EYS: variants seen among roughly 807,000 people sequenced by gnomAD.
The protein encoded by EYS is protein eyes shut homolog.
Under a neutral mutation model 282.1 loss-of-function variants are expected in EYS, and 250 were observed. That is an observed-to-expected ratio of 0.89 (90% confidence interval 0.80 to 0.98). The LOEUF (loss-of-function observed/expected upper bound fraction) is 0.98, where lower values mean the gene tolerates loss of function less well. Ranked by LOEUF, EYS falls within the 50% of genes least tolerant of loss-of-function variation. The probability of loss-of-function intolerance (pLI) is 0.00; values close to 1 mark genes in which losing one functional copy is unlikely to be tolerated. For synonymous variants in EYS, 1,355 were observed against 1,282.9 expected (o/e 1.06, Z -1.20); for missense variants, 4,016 against 3,709.0 (o/e 1.08, Z -2.15).
At chr6:65,331,317 C>T (rs565896075) in intron 11 of EYS, 1 of 690,622 alleles carries the variant, frequency 1.4e-6, no homozygotes, top group South Asian at 6.5e-5. Flanking sequence ...ATAATTTTCT[C>T]TTTTTCATTG....
chr6:65,638,444 A>G (rs1163027275), intron 2 of EYS, among the ~76,000 whole-genome samples: 2 of 152,196 alleles, frequency 1.3e-5, no homozygotes, highest in Non-Finnish European at 2.9e-5. Context: ...AGGAGAGAAG[A>G]GCTGAAGAGG....
At chr6:64,030,334 A>T (rs1397568570) in intron 33 of EYS, among the ~76,000 whole-genome samples, 2 of 152,164 alleles carry the variant, frequency 1.3e-5, no homozygotes, top group Non-Finnish European at 2.9e-5. Context: ...ATTTCTGTCT[A>T]CCCAGCCAAG....
intron 26 of EYS, among the ~76,000 whole-genome samples, chr6:64,486,004 T>C (rs1364127164): frequency 6.6e-6 from 1 of 151,506 alleles, no homozygotes; most frequent in Non-Finnish European, 1.5e-5. Context: ...ATGCTGGTTT[T>C]AAAGAAGTAA....
chr6:65,677,863 G>A (rs946365288), intron 1 of EYS, among the ~76,000 whole-genome samples: 3 of 152,014 alleles, frequency 2.0e-5, no homozygotes, highest in Admixed American at 1.3e-4. Context: ...AATGAAACAA[G>A]TTTGAGGGTG....
At chr6:65,109,666 A>AAC (rs1775153157) in intron 12 of EYS, among the ~76,000 whole-genome samples, 1 of 151,940 alleles carries the variant, frequency 6.6e-6, no homozygotes, top group Non-Finnish European at 1.5e-5. Context: ...ATAAAAAAAA[A>AAC]AAAAACACCT....
chr6:63,935,147 T>C (rs922065139), intron 35 of EYS, among the ~76,000 whole-genome samples: 25 of 152,242 alleles, frequency 1.6e-4, no homozygotes, highest in Non-Finnish European at 2.2e-4. Context: ...TGAGTAGTTT[T>C]TCTGGCTTTC....
chr6:65,160,360 G>A (rs1027082508), intron 12 of EYS, among the ~76,000 whole-genome samples: 1 of 150,836 alleles, frequency 6.6e-6, no homozygotes, highest in African/African-American at 2.4e-5. Flanking sequence ...TTTGCATATT[G>A]TTTTTAATTC....
At chr6:63,849,778 G>A (rs1772194372) in intron 36 of EYS, among the ~76,000 whole-genome samples, 1 of 152,150 alleles carries the variant, frequency 6.6e-6, no homozygotes, top group South Asian at 2.1e-4. Context: ...TCCTCCAAAG[G>A]ATCAAGACAC....
chr6:64,008,638 G>A (rs1768461753), intron 33 of EYS, among the ~76,000 whole-genome samples: 1 of 152,092 alleles, frequency 6.6e-6, no homozygotes, highest in Non-Finnish European at 1.5e-5. Flanking sequence ...CTTCCTTAAG[G>A]ATTTCTTGCA....
chr6:64,958,542 T>C (rs1769796686), intron 14 of EYS, among the ~76,000 whole-genome samples: 1 of 151,586 alleles, frequency 6.6e-6, no homozygotes, highest in African/African-American at 2.4e-5. Flanking sequence ...GGTCAGGAGA[T>C]CGAGACCACG....
At chr6:64,863,011 G>T (rs1766299167) in intron 19 of EYS, among the ~76,000 whole-genome samples, 1 of 151,976 alleles carries the variant, frequency 6.6e-6, no homozygotes, top group Non-Finnish European at 1.5e-5. Flanking sequence ...AAAAGGATTG[G>T]CCAATAGTTT....
intron 12 of EYS, among the ~76,000 whole-genome samples, chr6:65,278,523 G>T (rs1217552479): frequency 1.3e-5 from 2 of 150,634 alleles, no homozygotes; most frequent in African/African-American, 4.9e-5. Flanking sequence ...AATCTTTTTG[G>T]ATATTGACTC....
At chr6:65,483,906 C>G (rs1339139691) in intron 5 of EYS, among the ~76,000 whole-genome samples, 1 of 152,046 alleles carries the variant, frequency 6.6e-6, no homozygotes, top group African/African-American at 2.4e-5. Flanking sequence ...AAACCATCGG[C>G]TCTCGTGAGA....
intron 2 of EYS, among the ~76,000 whole-genome samples, chr6:65,596,610 C>T (rs1048226529): frequency 6.6e-6 from 1 of 151,932 alleles, no homozygotes; most frequent in Non-Finnish European, 1.5e-5. Context: ...ACCAATTCTC[C>T]ACAGCATATT....
intron 22 of EYS, among the ~76,000 whole-genome samples, chr6:64,640,834 C>G (rs1768125014): frequency 1.3e-5 from 2 of 152,094 alleles, no homozygotes; most frequent in South Asian, 2.1e-4. Context: ...TTCTTTGTAA[C>G]CACTAAACAC....
intron 19 of EYS, among the ~76,000 whole-genome samples, chr6:64,854,946 C>A (rs1430234577): frequency 6.6e-6 from 1 of 151,940 alleles, no homozygotes; most frequent in Non-Finnish European, 1.5e-5. Context: ...TTCATTTAGA[C>A]TTTTGTGTTG....
chr6:64,344,012 G>T (rs1161615217), intron 29 of EYS, among the ~76,000 whole-genome samples: 1 of 152,118 alleles, frequency 6.6e-6, no homozygotes, highest in Non-Finnish European at 1.5e-5. Context: ...CCAGGAAGAA[G>T]TTGAATCTCT....
chr6:64,629,022 A>G (rs375330590), intron 22 of EYS, among the ~76,000 whole-genome samples: 1 of 152,234 alleles, frequency 6.6e-6, no homozygotes, highest in African/African-American at 2.4e-5. Flanking sequence ...GCTTTTATCT[A>G]ATGTCTTTTG....
At chr6:64,660,032 T>C (rs1402363653) in intron 22 of EYS, among the ~76,000 whole-genome samples, 1 of 152,142 alleles carries the variant, frequency 6.6e-6, no homozygotes, top group Non-Finnish European at 1.5e-5. Context: ...AAAAAGCTTA[T>C]CCACTATGAT....
Sources: gnomAD v4.1 joint callset for allele counts (sites outside exome capture counted in the v4.1 genomes callset) on GRCh38, gnomAD v4.1.1 for gene constraint, MANE v1.5 for transcripts, NCBI Gene and HGNC (gene_info 2026-07-23, HGNC 2026-07-21) for gene names.